The following SUSD6 variants were observed in gnomAD, a reference collection of about 807,000 sequenced individuals.
SUSD6 encodes the protein sushi domain-containing protein 6.
Under a neutral mutation model 28.4 loss-of-function variants are expected in SUSD6, and 16 were observed. The ratio of observed to expected loss-of-function variants is 0.56; its 90% CI spans 0.38 to 0.86. The LOEUF is 0.86. Ranked by LOEUF, SUSD6 falls within the 40% of genes least tolerant of loss-of-function variation. The probability of loss-of-function intolerance (pLI) is 0.00; values close to 1 mark genes in which losing one functional copy is unlikely to be tolerated. For synonymous variants in SUSD6, 147 were observed against 159.6 expected, an observed-to-expected ratio of 0.92 and a Z score of 0.59; for missense variants, 341 against 384.2, an observed-to-expected ratio of 0.89 and a Z score of 0.94.
intron 2 of SUSD6, among the ~76,000 whole-genome samples, chr14:69,699,445 C>T (rs1398832143): frequency 6.6e-6 from 1 of 152,132 alleles, no homozygotes; most frequent in Non-Finnish European, 1.5e-5. Context: ...CTCAAGTGAT[C>T]CGCCCACCTT....
chr14:69,694,636 T>C (rs1334236773), intron 2 of SUSD6, among the ~76,000 whole-genome samples: 1 of 152,182 alleles, frequency 6.6e-6, no homozygotes, highest in Non-Finnish European at 1.5e-5. Context: ...TTTAGAGGCT[T>C]AGGTGCCACT....
At position 69,655,640 on chromosome 14, in the gene SUSD6, GA is replaced by G. The variant is rs796133613; in HGVS notation, c.-80-2860del. 8.9e-3 allele frequency among the ~76,000 whole-genome samples: 1,236 copies of G among 139,350 alleles called. 17 individuals are homozygous for G. Among genetic ancestry groups the G allele is most frequent in the African/African-American group, 0.026 (1,008 of 38,194 alleles). The allele number at this position is 139,350 out of a possible 152,430, so 91.4% of individuals were successfully genotyped here. A position where few individuals can be genotyped will look rare whatever the true frequency, so the allele number is the denominator to read the frequency against. On this transcript the variant is annotated intron_variant, in intron 1 of 5. Coordinates refer to ENST00000342745, the MANE Select transcript of SUSD6 (RefSeq NM_014734.4). ...AGTGAGACATCCTCTCTCTTTAAAA[GA>G]AAAAAAAAAAAAGTTAGGTGTGGTG...
rs764909837 is a variant in SUSD6 at position 69,708,782 on chromosome 14, T to G, written c.564T>G (p.Cys188Trp). Residue 188 changes from cysteine to tryptophan, a missense_variant, in exon 5 of 6, where the codon TGT (cysteine) becomes TGG (tryptophan). Coordinates refer to ENST00000342745, the MANE Select transcript of SUSD6 (RefSeq NM_014734.4). ...CTGTATATGGCAGTTCTGGTCACTG[T>G]GTGCCACCTGCTGACCCCAGAGTAC... ...EEAVYGSSGH[C>W]VPPADPRVQI... 6.2e-7 allele frequency: 1 copy of G among 1,614,198 alleles called. No individual in the cohort carries two copies. Among genetic ancestry groups the G allele is most frequent in the East Asian group, 2.2e-5 (1 of 44,880 alleles).
intron 1 of SUSD6, among the ~76,000 whole-genome samples, chr14:69,647,553 G>A (rs571103402): frequency 2.0e-5 from 3 of 152,006 alleles, no homozygotes; most frequent in African/African-American, 7.2e-5. Context: ...ACTAATGGAT[G>A]TCCTAATTGT....
intron 1 of SUSD6, among the ~76,000 whole-genome samples, chr14:69,619,419 G>A (rs1468882855): frequency 2.6e-5 from 4 of 152,078 alleles, no homozygotes; most frequent in African/African-American, 9.7e-5. Context: ...TGTTTAGGCT[G>A]TGCCTGCTTA....
At chr14:69,652,363 C>G (rs1273758317) in intron 1 of SUSD6, among the ~76,000 whole-genome samples, 1 of 152,162 alleles carries the variant, frequency 6.6e-6, no homozygotes, top group Non-Finnish European at 1.5e-5. Context: ...ACGAGAATCA[C>G]TTGAAGCCAG....
chr14:69,632,892 T>C (rs1885215798), intron 1 of SUSD6, among the ~76,000 whole-genome samples: 1 of 152,190 alleles, frequency 6.6e-6, no homozygotes, highest in Non-Finnish European at 1.5e-5. Flanking sequence ...CCCAGTTCTT[T>C]CTTTCACAGG....
At chr14:69,669,856 C>T (rs139595470) in intron 2 of SUSD6, among the ~76,000 whole-genome samples, 27 of 151,556 alleles carry the variant, frequency 1.8e-4, no homozygotes, top group Non-Finnish European at 3.5e-4. Flanking sequence ...GTAGTTCTTT[C>T]TCTTGGGAGG....
Position 69,709,239 on chromosome 14 carries a change from A to G in SUSD6, c.886+135A>G, listed in dbSNP as rs1886429263. 3.6e-6 allele frequency: 3 copies of G among 826,950 alleles called. No homozygotes were observed. The Admixed American group carries it at 9.5e-5, about 26-fold the overall frequency. The allele number at this position is 826,950 out of a possible 1,614,324, so 51.2% of individuals were successfully genotyped here. A position where few individuals can be genotyped will look rare whatever the true frequency, so the allele number is the denominator to read the frequency against. On this transcript the variant is annotated intron_variant, in intron 5 of 5. Transcript: ENST00000342745. ...GATAGTACCTGGGGTATTTGCCTAC[A>G]AAATAGAATTTCACCCTCAGAGTAC...
intron 2 of SUSD6, among the ~76,000 whole-genome samples, chr14:69,660,598 G>A (rs1885648185): frequency 6.6e-6 from 1 of 152,270 alleles, no homozygotes. Flanking sequence ...CACAGAGTGT[G>A]GTTGACTCTC....
chr14:69,630,154 A>G (rs1193800942), intron 1 of SUSD6, among the ~76,000 whole-genome samples: 1 of 152,204 alleles, frequency 6.6e-6, no homozygotes, highest in Non-Finnish European at 1.5e-5. Context: ...TTTAATCTTT[A>G]TAGCAACTTT....
intron 2 of SUSD6, among the ~76,000 whole-genome samples, chr14:69,667,886 C>T (rs1400272371): frequency 2.6e-5 from 4 of 152,180 alleles, no homozygotes; most frequent in East Asian, 1.9e-4. Flanking sequence ...CATATAAGCT[C>T]GTTGAACACA....
At chr14:69,699,737 C>T (rs1416002458) in intron 2 of SUSD6, among the ~76,000 whole-genome samples, 1 of 152,058 alleles carries the variant, frequency 6.6e-6, no homozygotes, top group Non-Finnish European at 1.5e-5. Context: ...CATTGTCCCA[C>T]AGCCATGGAA....
Position 69,709,061 on chromosome 14 carries a change from C to T in SUSD6, c.843C>T (p.Asp281=), listed in dbSNP as rs1225675576. ...HKETADSENS[D]IQSLLSLTSE... is the part of the protein sequence containing the mutation. ...AAACTGCAGATTCAGAGAACAGTGA[C>T]ATACAAAGCCTTTTATCCCTCACGT... is the stretch of plus-strand genomic sequence containing the variant. The change falls in exon 5 of 6, where the codon GAC becomes GAT. Residue 281 remains aspartate (D), a synonymous_variant. Coordinates refer to ENST00000342745, the MANE Select transcript of SUSD6 (RefSeq NM_014734.4). The T allele has an allele frequency of 1.7e-5, 27 of 1,612,194 alleles. No homozygotes were observed. Among genetic ancestry groups the T allele is most frequent in the Non-Finnish European group, 2.0e-5 (24 of 1,179,218 alleles).
rs1243245468 is a variant in SUSD6 at position 69,714,286 on chromosome 14, G to A, written c.*3307G>A. ...TCCTGCTTCATGGGTGGTGGCACGG[G>A]AATAGATAGCCCTTAGCCCTTTCCC... On this transcript the variant is annotated 3_prime_UTR_variant, in exon 6 of 6. Coordinates refer to ENST00000342745, the MANE Select transcript of SUSD6 (RefSeq NM_014734.4). The A allele has an allele frequency of 6.6e-6, 1 of 152,196 alleles. No homozygotes were observed. The highest frequency in any genetic ancestry group is 2.4e-5 in the African/African-American group (1 of 41,446). 9.4% of individuals were successfully genotyped at this position (152,196 alleles called of 1,614,324 possible). A position where few individuals can be genotyped will look rare whatever the true frequency, so the allele number is the denominator to read the frequency against.
rs1455938991 is a variant in SUSD6, at chr14:69,684,957, C to A, written c.122-18438C>A. ...TCAAACTGCTGGTATATAAACTGCT[C>A]ATACCACTCTGAGTTATCACTTTGT... On this transcript the variant is annotated intron_variant, in intron 2 of 5. Coordinates refer to ENST00000342745, the MANE Select transcript of SUSD6 (RefSeq NM_014734.4). Among the ~76,000 whole-genome samples, 4 of 152,236 alleles carry A rather than the reference C, an allele frequency of 2.6e-5. No individual in the cohort carries two copies. The East Asian group carries it at 7.7e-4, about 29-fold the overall frequency.
intron 1 of SUSD6, among the ~76,000 whole-genome samples, chr14:69,625,998 C>T (rs555418276): frequency 6.6e-5 from 10 of 152,268 alleles, no homozygotes; most frequent in African/African-American, 2.4e-4. Flanking sequence ...TCCACCTGCT[C>T]CCAGAACAAT....
chr14:69,641,803 C>G (rs1263063816), intron 1 of SUSD6, among the ~76,000 whole-genome samples: 1 of 151,730 alleles, frequency 6.6e-6, no homozygotes, highest in Non-Finnish European at 1.5e-5. Context: ...GGGGGTCTCC[C>G]TATGTTGCCC....
chr14:69,667,418 C>G (rs888582234), intron 2 of SUSD6, among the ~76,000 whole-genome samples: 2 of 136,668 alleles, frequency 1.5e-5, no homozygotes, highest in Admixed American at 8.3e-5. Flanking sequence ...GCTCTGTCGC[C>G]CAGGCTGGAG....
Sources: gnomAD v4.1 joint callset for allele counts (sites outside exome capture counted in the v4.1 genomes callset) on GRCh38, gnomAD v4.1.1 for gene constraint, MANE v1.5 for transcripts, NCBI Gene and HGNC (gene_info 2026-07-23, HGNC 2026-07-21) for gene names.